The following EIF2AK3 variants were observed in gnomAD, a reference collection of about 807,000 sequenced individuals.
EIF2AK3 encodes eukaryotic translation initiation factor 2-alpha kinase 3.
A neutral mutation model predicts 113.5 loss-of-function variants in EIF2AK3; 50 were observed. That is an observed-to-expected ratio of 0.44 (90% CI 0.35 to 0.56). The LOEUF (loss-of-function observed/expected upper bound fraction) is 0.56, where lower values mean the gene tolerates loss of function less well. Among genes scored for constraint, EIF2AK3 ranks in the 20% least tolerant of loss-of-function variants. The probability of loss-of-function intolerance (pLI) is 0.00; values close to 1 mark genes in which losing one functional copy is unlikely to be tolerated. For synonymous variants in EIF2AK3, 448 were observed against 495.4 expected, an observed-to-expected ratio of 0.90 and a Z score of 1.27; for missense variants, 1,185 against 1,378.0, an observed-to-expected ratio of 0.86 and a Z score of 2.22.
chr2:88,588,638 T>C (rs977809180), intron 7 of EIF2AK3, 123 bp downstream of exon 7: 6 of 984,124 alleles, frequency 6.1e-6, no homozygotes, highest in Non-Finnish European at 7.5e-6. Context: ...CATCATGGTT[T>C]ATCAATAAAA....
chr2:88,563,429 C>A (rs1674018066), intron 14 of EIF2AK3, among the ~76,000 whole-genome samples: 1 of 152,108 alleles, frequency 6.6e-6, no homozygotes, highest in Non-Finnish European at 1.5e-5. Flanking sequence ...CACTTCTTAT[C>A]CCTGGGGTTT....
chr2:88,563,621 G>A (rs149516899), intron 14 of EIF2AK3, among the ~76,000 whole-genome samples: 1 of 152,178 alleles, frequency 6.6e-6, no homozygotes, highest in East Asian at 1.9e-4. Context: ...ATGGAAATGT[G>A]TACAGACATT....
intron 10 of EIF2AK3, 87 bp downstream of exon 10, chr2:88,583,343 G>T: frequency 2.1e-6 from 2 of 946,582 alleles, no homozygotes; most frequent in Admixed American, 3.9e-5. Flanking sequence ...TATTTTTCTA[G>T]ATATCCACAC....
At position 88,627,228 on chromosome 2, in the gene EIF2AK3, AGC is replaced by A; in HGVS notation, c.45_46del (p.Leu16AlafsTer60). 1.4e-6 allele frequency: 2 copies of A among 1,478,328 alleles called. No individual in the cohort carries two copies. Among genetic ancestry groups the A allele is most frequent in the Admixed American group, 2.3e-5 (1 of 43,504 alleles). 91.6% of individuals were successfully genotyped at this position (1,478,328 alleles called of 1,614,324 possible). A position where few individuals can be genotyped will look rare whatever the true frequency, so the allele number is the denominator to read the frequency against. Reference sequence around the variant, plus strand: ...CGCGAGCCCCAGCAGCAGCAGCAGCAGCAGCAGCGCCCGTACCAGCAGCCCCG... The same window carrying A: ...CGCGAGCCCCAGCAGCAGCAGCAGCAAGCAGCGCCCGTACCAGCAGCCCCG... On this transcript the variant is annotated frameshift_variant, in exon 1 of 17. Coordinates refer to ENST00000303236, the MANE Select transcript of EIF2AK3 (RefSeq NM_004836.7). LOFTEE classifies it high-confidence loss of function.
chr2:88,591,544 T>C (rs1674889702), intron 4 of EIF2AK3, among the ~76,000 whole-genome samples: 2 of 152,166 alleles, frequency 1.3e-5, no homozygotes, highest in African/African-American at 4.8e-5. Context: ...AAAAAGGCAA[T>C]GTGATCCAGG....
intron 1 of EIF2AK3, among the ~76,000 whole-genome samples, chr2:88,625,641 T>C (rs948584951): frequency 6.6e-6 from 1 of 152,214 alleles, no homozygotes; most frequent in Non-Finnish European, 1.5e-5. Flanking sequence ...CTGCCTAACC[T>C]CTGCCACCCA....
rs564414872 is a variant in EIF2AK3 at position 88,568,636 on chromosome 2, C to G, written c.2985+2238G>C. On this transcript the variant is annotated intron_variant, in intron 14 of 16. Transcript: ENST00000303236. ...GATATGCTAATAACCCTGATCCAAT[C>G]ACTAAATAGTGTATGTATTAAAACG... Among the ~76,000 whole-genome samples, 28 of 152,178 alleles carry G rather than the reference C, an allele frequency of 1.8e-4. 1 individual carries two copies. The South Asian group carries it at 5.0e-3, about 27-fold the overall frequency.
chr2:88,622,707 G>A (rs1210663119), intron 1 of EIF2AK3, among the ~76,000 whole-genome samples: 1 of 152,168 alleles, frequency 6.6e-6, no homozygotes, highest in African/African-American at 2.4e-5. Flanking sequence ...AGTTGGGTGA[G>A]TGAATAGGAA....
chr2:88,561,989 T>C (rs1673975900), intron 15 of EIF2AK3, among the ~76,000 whole-genome samples: 1 of 152,244 alleles, frequency 6.6e-6, no homozygotes, highest in Admixed American at 6.5e-5. Flanking sequence ...CCCCATTACC[T>C]TGTGGTTCCC....
rs1370315159 is a variant in EIF2AK3, at chr2:88,627,171, C to T, written c.104G>A (p.Gly35Asp). Residue 35 changes from glycine (G) to aspartate (D), a missense_variant, in exon 1 of 17, where the codon GGC (glycine) becomes GAC (aspartate). Physicochemically the swap from Gly to Asp is moderately conservative, Grantham distance 94. This residue lies in a region of EIF2AK3 where 189 missense variants were observed against 175.2 expected (regional missense o/e 1.08). Coordinates refer to ENST00000303236, the MANE Select transcript of EIF2AK3 (RefSeq NM_004836.7). ...CGCCTCCGCCGTCGGCGCTGGGAGG[C>T]CACGGGCGCGCCCCGCGGCCACCGT... ...ARTVAAGRAR[G>D]LPAPTAEAAF... 1.4e-6 allele frequency: 2 copies of T among 1,441,892 alleles called. No individual in the cohort carries two copies. Among genetic ancestry groups the T allele is most frequent in the Admixed American group, 5.3e-5 (2 of 37,572 alleles). The allele number at this position is 1,441,892 out of a possible 1,614,324, so 89.3% of individuals were successfully genotyped here. A position where few individuals can be genotyped will look rare whatever the true frequency, so the allele number is the denominator to read the frequency against.
chr2:88,608,990 T>C (rs1038747412), intron 2 of EIF2AK3, among the ~76,000 whole-genome samples: 1 of 151,898 alleles, frequency 6.6e-6, no homozygotes, highest in African/African-American at 2.4e-5. Flanking sequence ...TGCCTTGGCT[T>C]CCCAAAGTGC....
intron 15 of EIF2AK3, among the ~76,000 whole-genome samples, chr2:88,560,801 A>G (rs1265871084): frequency 1.3e-5 from 2 of 150,816 alleles, no homozygotes; most frequent in African/African-American, 4.9e-5. Context: ...TTTCGGTTAG[A>G]AGATATGAGT....
upstream of EIF2AK3, chr2:88,627,894 G>A (rs933814587): frequency 4.6e-5 from 7 of 151,652 alleles, no homozygotes; most frequent in African/African-American, 1.7e-4. Context: ...ACTGTGAAGA[G>A]GACTGTCCCA....
At chr2:88,620,948 A>G (rs1309580995) in intron 1 of EIF2AK3, among the ~76,000 whole-genome samples, 1 of 152,206 alleles carries the variant, frequency 6.6e-6, no homozygotes, top group African/African-American at 2.4e-5. Context: ...TAGGACAAAC[A>G]TATTATCTAC....
intron 13 of EIF2AK3, among the ~76,000 whole-genome samples, chr2:88,573,392 G>C (rs1280424346): frequency 6.6e-5 from 10 of 152,148 alleles, no homozygotes; most frequent in Admixed American, 3.9e-4. Flanking sequence ...GTTGGCATTT[G>C]TGTGTACAGC....
chr2:88,583,385 C>T (rs769961895), intron 10 of EIF2AK3, 45 bp downstream of exon 10: 1 of 1,458,598 alleles, frequency 6.9e-7, no homozygotes, highest in Admixed American at 1.7e-5. Flanking sequence ...GATCTTAGGT[C>T]ATTTCTTCTT....
At chr2:88,590,384 G>GT in intron 6 of EIF2AK3, 59 bp downstream of exon 6, 1 of 1,575,566 alleles carries the variant, frequency 6.3e-7, no homozygotes, top group South Asian at 1.1e-5. Context: ...AAGGAACAAT[G>GT]TAAGAAGAAA....
rs189447450 is a variant in EIF2AK3, at chr2:88,613,696, T to C, written c.438+28A>G. ...AATTACTCATTAGAATTAAGTTTTC[T>C]AGTCAACAGTTAACAGAAAATTCTT... is the stretch of plus-strand genomic sequence containing the variant. On this transcript the variant is annotated intron_variant, in intron 2 of 16. Transcript: ENST00000303236. The C allele has an allele frequency of 6.4e-4, 1,040 of 1,613,734 alleles. 8 individuals are homozygous for C. The South Asian group carries it at 7.1e-3, about 11-fold the overall frequency.
At chr2:88,584,797 G>C (rs1426892158) in intron 9 of EIF2AK3, among the ~76,000 whole-genome samples, 1 of 152,116 alleles carries the variant, frequency 6.6e-6, no homozygotes, top group Non-Finnish European at 1.5e-5. Flanking sequence ...AGGTTAGAGG[G>C]ATGAGCACCA....
Sources: allele counts gnomAD v4.1 joint callset (sites outside exome capture counted in the v4.1 genomes callset), GRCh38; gene constraint gnomAD v4.1.1; regional missense constraint gnomAD v4.1.1; transcripts MANE v1.5; gene names NCBI Gene and HGNC (gene_info 2026-07-23, HGNC 2026-07-21).